MYO1B: variants seen among roughly 807,000 people sequenced by gnomAD.
MYO1B encodes the protein myosin IB, also known as unconventional myosin-Ib.
A neutral mutation model predicts 159.7 loss-of-function variants in MYO1B; 72 were observed. That is an observed-to-expected ratio of 0.45 (90% confidence interval 0.37 to 0.55). The LOEUF (loss-of-function observed/expected upper bound fraction) is 0.55. Ranked by LOEUF, MYO1B falls within the 20% of genes least tolerant of loss-of-function variation. The probability of loss-of-function intolerance (pLI) is 0.00; values close to 1 mark genes in which losing one functional copy is unlikely to be tolerated. For missense variants in MYO1B, 1,062 were observed against 1,364.8 expected, an observed-to-expected ratio of 0.78 and a Z score of 3.50; for synonymous variants, 468 against 473.8, an observed-to-expected ratio of 0.99 and a Z score of 0.16.
chr2:191,319,607 C>T (rs1175322581), intron 3 of MYO1B, among the ~76,000 whole-genome samples: 1 of 152,082 alleles, frequency 6.6e-6, no homozygotes, highest in African/African-American at 2.4e-5. Flanking sequence ...ATCATAAACC[C>T]TGGGTATGGC....
intron 17 of MYO1B, among the ~76,000 whole-genome samples, chr2:191,388,695 TTGAA>T (rs1475105071): frequency 1.3e-5 from 2 of 152,184 alleles, no homozygotes; most frequent in Non-Finnish European, 2.9e-5. Flanking sequence ...TTATTCTCAA[TTGAA>T]TGAATTTTTT....
At chr2:191,373,377 A>G (rs1014059438) in intron 13 of MYO1B, among the ~76,000 whole-genome samples, 1 of 152,172 alleles carries the variant, frequency 6.6e-6, no homozygotes, top group African/African-American at 2.4e-5. Flanking sequence ...TTGAGACCAA[A>G]TGCTCTGTTA....
chr2:191,388,684 G>A (rs2126093863), intron 17 of MYO1B, among the ~76,000 whole-genome samples: 1 of 151,754 alleles, frequency 6.6e-6, no homozygotes, highest in Admixed American at 6.6e-5. Flanking sequence ...AGTTGCTTTT[G>A]TTATTCTCAA....
At chr2:191,289,247 C>A (rs1688555913) in intron 2 of MYO1B, among the ~76,000 whole-genome samples, 1 of 152,164 alleles carries the variant, frequency 6.6e-6, no homozygotes, top group Non-Finnish European at 1.5e-5. Context: ...ACACAAGTTT[C>A]CTCCGTTCTT....
chr2:191,394,346 T>A (rs4853591), intron 20 of MYO1B, among the ~76,000 whole-genome samples: 1,816 of 152,264 alleles, frequency 0.012, 59 homozygotes, highest in Admixed American at 0.077. Context: ...CGTTTTCTGT[T>A]AGCCTGAGAA....
chr2:191,414,087 C>A lies in MYO1B; in HGVS notation c.2913C>A (p.Asn971Lys), dbSNP rs1403493953. The A allele has an allele frequency of 5.6e-6, 9 of 1,612,674 alleles. No individual in the cohort carries two copies. Among genetic ancestry groups the A allele is most frequent in the Non-Finnish European group, 7.6e-6 (9 of 1,179,410 alleles). The change falls in exon 28 of 31, where the codon AAC becomes AAA. Residue 971 changes from asparagine to lysine, a missense_variant. Asn to Lys is a moderately conservative substitution (Grantham distance 94, BLOSUM62 0). Transcript: ENST00000392318. Reference protein sequence around the residue: ...QPFQGAYLEINKNPKYKKLKD... With the variant: ...QPFQGAYLEIKKNPKYKKLKD... ...TCCAAGGGGCTTACCTGGAAATCAA[C>A]AAGAACCCCAAGTATAAGAAACTCA...
intron 13 of MYO1B, among the ~76,000 whole-genome samples, chr2:191,378,407 G>T (rs955510615): frequency 6.6e-6 from 1 of 152,142 alleles, no homozygotes; most frequent in Non-Finnish European, 1.5e-5. Flanking sequence ...TATAGGTTTT[G>T]GGATAGGTGG....
chr2:191,247,913 C>T, intron 1 of MYO1B: 1 of 984,250 alleles, frequency 1.0e-6, no homozygotes, highest in Non-Finnish European at 1.2e-6. Flanking sequence ...ATCACTTTGT[C>T]AAGCCTGGAG....
intron 7 of MYO1B, among the ~76,000 whole-genome samples, chr2:191,356,921 A>AGAG (rs1693330782): frequency 6.6e-6 from 1 of 152,196 alleles, no homozygotes; most frequent in African/African-American, 2.4e-5. Flanking sequence ...GAGCAACTGG[A>AGAG]GAGGAGGCAC....
chr2:191,419,901 A>G (rs1697831323), intron 30 of MYO1B, among the ~76,000 whole-genome samples: 1 of 152,230 alleles, frequency 6.6e-6, no homozygotes, highest in Non-Finnish European at 1.5e-5. Context: ...AAGTGTTATT[A>G]CAAAAGAGCC....
In MYO1B at chr2:191,383,498, A is replaced by G. The variant is rs1433646796; in HGVS notation, c.1353+156A>G. Among the ~76,000 whole-genome samples the G allele has an allele frequency of 1.3e-3, 155 of 115,730 alleles. 1 individual carries two copies. Among genetic ancestry groups the G allele is most frequent in the African/African-American group, 5.5e-3 (144 of 26,128 alleles). The allele number at this position is 115,730 out of a possible 152,430, so 75.9% of individuals were successfully genotyped here. ...TACACACACACATATATATGTGTAT[A>G]TATATATATATACACGTACACACAC... is the stretch of plus-strand genomic sequence containing the variant. On this transcript the variant is annotated intron_variant, in intron 15 of 30. Transcript: ENST00000392318.
chr2:191,282,488 G>T (rs1688119724), intron 2 of MYO1B, among the ~76,000 whole-genome samples: 1 of 152,062 alleles, frequency 6.6e-6, no homozygotes, highest in South Asian at 2.1e-4. Flanking sequence ...TTCCTTTAAA[G>T]GTTTTTTAAA....
intron 12 of MYO1B, 73 bp from the exon 13 acceptor site, chr2:191,370,154 T>G (rs1006994611): frequency 2.1e-6 from 2 of 930,682 alleles, no homozygotes; most frequent in Non-Finnish European, 3.4e-6. Flanking sequence ...GTAATATATA[T>G]CTATGTTCCT....
chr2:191,368,844 C>T (rs1204891462), intron 11 of MYO1B, among the ~76,000 whole-genome samples: 1 of 152,044 alleles, frequency 6.6e-6, no homozygotes, highest in African/African-American at 2.4e-5. Context: ...CGTGGTGGCA[C>T]ACACGTGTAG....
At chr2:191,373,893 T>A (rs568638745) in intron 13 of MYO1B, among the ~76,000 whole-genome samples, 25 of 152,236 alleles carry the variant, frequency 1.6e-4, no homozygotes, top group Admixed American at 3.3e-4. Context: ...TCATTATATT[T>A]AATTGTTACC....
intron 11 of MYO1B, among the ~76,000 whole-genome samples, chr2:191,368,621 T>C (rs1325327032): frequency 2.6e-5 from 4 of 151,990 alleles, no homozygotes; most frequent in African/African-American, 9.7e-5. Context: ...TAAGAAGGGG[T>C]TTATGTTCAT....
chr2:191,298,277 A>G (rs1347931788), intron 3 of MYO1B, among the ~76,000 whole-genome samples: 1 of 152,262 alleles, frequency 6.6e-6, no homozygotes, highest in East Asian at 1.9e-4. Flanking sequence ...TTCTTCTAGA[A>G]GTAGATATTG....
intron 4 of MYO1B, among the ~76,000 whole-genome samples, chr2:191,333,303 T>C (rs1047394380): frequency 6.6e-6 from 1 of 152,148 alleles, no homozygotes; most frequent in African/African-American, 2.4e-5. Context: ...CTACTTGGGG[T>C]CTAACATGCA....
At chr2:191,253,965 G>T (rs1366435905) in intron 1 of MYO1B, among the ~76,000 whole-genome samples, 1 of 152,110 alleles carries the variant, frequency 6.6e-6, no homozygotes, top group African/African-American at 2.4e-5. Flanking sequence ...CCGCTTGTTA[G>T]ATTTGTGCCA....
Sources: allele counts gnomAD v4.1 joint callset (sites outside exome capture counted in the v4.1 genomes callset), GRCh38; gene constraint gnomAD v4.1.1; transcripts MANE v1.5; gene names NCBI Gene and HGNC (gene_info 2026-07-23, HGNC 2026-07-21).